The following MPP7 variants were observed in gnomAD, a reference collection of about 807,000 sequenced individuals.
The protein encoded by MPP7 is MAGUK p55 subfamily member 7.
Under a neutral mutation model 76.5 loss-of-function variants are expected in MPP7, and 60 were observed. That is an observed-to-expected ratio of 0.78 (90% CI 0.64 to 0.97). MPP7 has a LOEUF of 0.97. Among genes scored for constraint, MPP7 ranks in the 50% least tolerant of loss-of-function variants. The probability of loss-of-function intolerance (pLI) is 0.00; values close to 1 mark genes in which losing one functional copy is unlikely to be tolerated. For missense variants in MPP7, 641 were observed against 694.0 expected, an observed-to-expected ratio of 0.92 and a Z score of 0.86; for synonymous variants, 237 against 244.5, an observed-to-expected ratio of 0.97 and a Z score of 0.29.
At chr10:28,119,975 T>C (rs1284291403) in intron 10 of MPP7, among the ~76,000 whole-genome samples, 7 of 152,150 alleles carry the variant, frequency 4.6e-5, no homozygotes, top group Admixed American at 3.3e-4. Context: ...CTATTTTCCA[T>C]TTGCTTCATA....
rs1481104181 is a variant in MPP7 at position 28,286,410 on chromosome 10, T to C, written c.-132+16451A>G. On this transcript the variant is annotated intron_variant, in intron 1 of 16. Transcript: ENST00000683449. The stretch of plus-strand genomic sequence containing the variant: ...CTTTCCTAGCGTTACTAAACTTCCT[T>C]TCACTTGGAAAACTACAGCACAGCT... 2.0e-5 allele frequency among the ~76,000 whole-genome samples: 3 copies of C among 152,182 alleles called. No homozygotes were observed. The South Asian group carries it at 6.2e-4, about 31-fold the overall frequency.
intron 6 of MPP7, among the ~76,000 whole-genome samples, chr10:28,125,371 C>T (rs73606071): frequency 0.014 from 2,119 of 152,138 alleles, 51 homozygotes; most frequent in African/African-American, 0.046. Flanking sequence ...AATAAACATA[C>T]CTTCTTTCCA....
At chr10:28,130,273 G>C (rs184080806) in intron 6 of MPP7, among the ~76,000 whole-genome samples, 1 of 152,008 alleles carries the variant, frequency 6.6e-6, no homozygotes, top group African/African-American at 2.4e-5. Flanking sequence ...AAAAACACTT[G>C]CAAAGAGGTA....
intron 13 of MPP7, among the ~76,000 whole-genome samples, chr10:28,062,599 A>G (rs2887213): frequency 0.12 from 17,784 of 150,200 alleles, 1,728 homozygotes; most frequent in East Asian, 0.5. Context: ...TGGCTTTAAT[A>G]TTAGAAAAGC....
rs3064135 is a variant in MPP7 at position 28,232,358 on chromosome 10, A to AACACAC, written c.37+6204_37+6209dup. ...GACAGAGTGAGATCCTGTCTCTTAA[A>AACACAC]ACACACACACACACACACACACACA... On this transcript the variant is annotated intron_variant, in intron 2 of 16. Transcript: ENST00000683449. Among the ~76,000 whole-genome samples the AACACAC allele has an allele frequency of 7.9e-3, 1,165 of 147,438 alleles. 17 individuals carry two copies. The highest frequency in any genetic ancestry group is 0.02 in the African/African-American group (787 of 39,542).
At chr10:28,089,408 C>T (rs1853178021) in intron 12 of MPP7, among the ~76,000 whole-genome samples, 1 of 152,022 alleles carries the variant, frequency 6.6e-6, no homozygotes, top group Non-Finnish European at 1.5e-5. Flanking sequence ...CTGATGTATG[C>T]TTCATATATT....
chr10:28,306,520 C>T (rs1223787935), upstream of MPP7, among the ~76,000 whole-genome samples: 2 of 151,948 alleles, frequency 1.3e-5, no homozygotes, highest in East Asian at 3.9e-4. Context: ...TGGTGGTGTG[C>T]AGCTGTAGTC....
At chr10:28,065,376 T>C (rs1483357228) in intron 13 of MPP7, among the ~76,000 whole-genome samples, 1 of 152,338 alleles carries the variant, frequency 6.6e-6, no homozygotes, top group East Asian at 1.9e-4. Context: ...CTTATCATAA[T>C]CAACCTGAAT....
chr10:28,061,307 CTTGAA>C, intron 13 of MPP7, among the ~76,000 whole-genome samples: 1 of 151,930 alleles, frequency 6.6e-6, no homozygotes, highest in South Asian at 2.1e-4. Context: ...AGAAAATATA[CTTGAA>C]TTGAACAAAA....
At position 28,095,240 on chromosome 10, in the gene MPP7, T is replaced by C. The variant is rs570940003; in HGVS notation, c.953-5399A>G. 9.2e-5 allele frequency among the ~76,000 whole-genome samples: 13 copies of C among 141,986 alleles called. No homozygotes were observed. The East Asian group carries it at 3.7e-3, about 40-fold the overall frequency. The allele number at this position is 141,986 out of a possible 152,430, so 93.1% of individuals were successfully genotyped here. A position where few individuals can be genotyped will look rare whatever the true frequency, so the allele number is the denominator to read the frequency against. On this transcript the variant is annotated intron_variant, in intron 11 of 16. Transcript: ENST00000683449. ...ATATATATACAGAAACATATATACA[T>C]GTACAGACATATATATGTATACACA...
intron 2 of MPP7, among the ~76,000 whole-genome samples, chr10:28,213,049 C>T (rs1041670020): frequency 6.6e-6 from 1 of 152,098 alleles, no homozygotes; most frequent in South Asian, 2.1e-4. Context: ...AGGTAATCCT[C>T]CTGCCTCAGC....
intron 11 of MPP7, among the ~76,000 whole-genome samples, chr10:28,113,003 A>G (rs1001354064): frequency 6.6e-6 from 1 of 152,072 alleles, no homozygotes; most frequent in Non-Finnish European, 1.5e-5. Flanking sequence ...GCCCATCCAG[A>G]TATCTGCCTT....
At chr10:28,067,918 A>T (rs11006833) in intron 13 of MPP7, among the ~76,000 whole-genome samples, 15,709 of 152,150 alleles carry the variant, frequency 0.1, 1,557 homozygotes, top group East Asian at 0.51. Context: ...TATGGAACTC[A>T]AGTCAACATA....
intron 2 of MPP7, among the ~76,000 whole-genome samples, chr10:28,210,126 C>G (rs1838082670): frequency 6.6e-6 from 1 of 152,186 alleles, no homozygotes; most frequent in African/African-American, 2.4e-5. Flanking sequence ...GGCTCTCAGG[C>G]CTTCAGACTC....
chr10:28,284,134 T>C (rs765459416), intron 1 of MPP7, among the ~76,000 whole-genome samples: 51 of 152,254 alleles, frequency 3.3e-4, no homozygotes, highest in Non-Finnish European at 7.4e-4. Context: ...AGATTAATAG[T>C]TGGTATGAAC....
At chr10:28,087,671 C>T (rs987212719) in intron 12 of MPP7, among the ~76,000 whole-genome samples, 4 of 152,234 alleles carry the variant, frequency 2.6e-5, no homozygotes, top group African/African-American at 9.6e-5. Flanking sequence ...GCTGGGATTA[C>T]AGGCATGAGC....
At chr10:28,195,912 T>C (rs775215644) in intron 3 of MPP7, among the ~76,000 whole-genome samples, 2 of 152,204 alleles carry the variant, frequency 1.3e-5, no homozygotes, top group African/African-American at 2.4e-5. Flanking sequence ...CTGAATTGTA[T>C]GTTTTAAGTG....
At chr10:28,146,181 T>G (rs1835696879) in intron 5 of MPP7, among the ~76,000 whole-genome samples, 1 of 152,128 alleles carries the variant, frequency 6.6e-6, no homozygotes, top group Non-Finnish European at 1.5e-5. Flanking sequence ...CTCCTTAACG[T>G]TTTTACACAC....
chr10:28,259,535 C>G (rs754459744), intron 1 of MPP7, among the ~76,000 whole-genome samples: 1 of 146,568 alleles, frequency 6.8e-6, no homozygotes, highest in Admixed American at 6.9e-5. Flanking sequence ...TGCAGTGAGC[C>G]GAGATTGCAC....
Sources: gnomAD v4.1 joint callset for allele counts (sites outside exome capture counted in the v4.1 genomes callset) on GRCh38, gnomAD v4.1.1 for gene constraint, MANE v1.5 for transcripts, NCBI Gene and HGNC (gene_info 2026-07-23, HGNC 2026-07-21) for gene names.